Variants in PPP1R13L observed in about 807,000 individuals in gnomAD.
PPP1R13L encodes relA-associated inhibitor.
In PPP1R13L, 50 loss-of-function variants were observed where a neutral mutation model predicts 80.9. The observed-to-expected ratio is 0.62, with a 90% CI of 0.49 to 0.78. The LOEUF is 0.78. PPP1R13L is among the 30% of genes least tolerant of loss of function. The pLI is 0.00. For missense variants in PPP1R13L, 1,200 were observed against 1,205.9 expected (o/e 1.00, Z 0.07); for synonymous variants, 602 against 534.3 (o/e 1.13, Z -1.75).
At chr19:45,397,932 CT>C (rs1599776566) in intron 3 of PPP1R13L, 72 bp downstream of exon 3, 1 of 1,521,762 alleles carries the variant, frequency 6.6e-7, no homozygotes, top group East Asian at 2.3e-5. Flanking sequence ...GCAATTTTGC[CT>C]GAAATCCAGG....
At chr19:45,393,040 G>T (rs1973010789) in intron 7 of PPP1R13L, 2 of 141,654 alleles carry the variant, frequency 1.4e-5, no homozygotes, top group Non-Finnish European at 3.0e-5. Flanking sequence ...AAAAAAATTA[G>T]CTGGGCGTGG....
upstream of PPP1R13L, chr19:45,406,169 G>GGATT (rs1973355376): frequency 2.1e-6 from 1 of 485,446 alleles, no homozygotes; most frequent in African/African-American, 2.1e-5. The surrounding 1 kb of genome is among the most constrained non-coding windows in gnomAD (Gnocchi z 4.2). Flanking sequence ...CCCTCCGGAC[G>GGATT]GATTGCCCCT....
chr19:45,396,176 T>C lies in PPP1R13L; in HGVS notation c.895A>G (p.Thr299Ala), dbSNP rs1203506651. The change falls in exon 6 of 13, where the codon ACC becomes GCC. Residue 299 changes from threonine to alanine, a missense_variant. This residue lies in a region of PPP1R13L where 764 missense variants were observed against 714.5 expected (regional missense o/e 1.07). Transcript: ENST00000360957. This position sits in a 1 kb window ranked among gnomAD's most constrained non-coding sequence, Gnocchi z 5.3. Reference protein sequence around the residue: ...RESSLDGLGGTGKDNLTSATL... With the variant: ...RESSLDGLGGAGKDNLTSATL... Reference sequence around the variant, plus strand: ...AGGCGTCGCCTCCTCACCTTGCCGGTGCCCCCCAGTCCATCCAGGCTGCTC... The same window carrying C: ...AGGCGTCGCCTCCTCACCTTGCCGGCGCCCCCCAGTCCATCCAGGCTGCTC... 3 of 1,607,920 alleles carry C rather than the reference T, an allele frequency of 1.9e-6. No homozygotes were observed. In the East Asian group the frequency reaches 6.7e-5, roughly 36 times the overall value.
rs547448313 is a variant in PPP1R13L at position 45,395,618 on chromosome 19, A to C, written c.1172T>G (p.Met391Arg). Residue 391 changes from methionine to arginine, a missense_variant, in exon 7 of 13, where the codon ATG becomes AGG. Met to Arg is a moderately conservative substitution (Grantham distance 91, BLOSUM62 -1). This residue lies in a region of PPP1R13L where 764 missense variants were observed against 714.5 expected (regional missense o/e 1.07). Transcript: ENST00000360957. ...GGTGAAGAGGGGGGACCCAGGGAGCATGGCGCGGCTGGCCCCGTGCTCCCA... is the reference window on the plus strand; with the variant it reads ...GGTGAAGAGGGGGGACCCAGGGAGCCTGGCGCGGCTGGCCCCGTGCTCCCA... ...AFWEHGASRAMLPGSPLFTRA... is the reference protein window; with the variant it reads ...AFWEHGASRARLPGSPLFTRA... The C allele has an allele frequency of 1.4e-6, 2 of 1,471,256 alleles. No homozygotes were observed. Among genetic ancestry groups the C allele is most frequent in the South Asian group, 2.8e-5 (2 of 72,210 alleles). The allele number at this position is 1,471,256 out of a possible 1,614,324, so 91.1% of individuals were successfully genotyped here.
chr19:45,384,532 AAAAAATAAATAAAT>A (rs1972829971), intron 11 of PPP1R13L, among the ~76,000 whole-genome samples: 1 of 151,470 alleles, frequency 6.6e-6, no homozygotes, highest in African/African-American at 2.4e-5. Flanking sequence ...ACTCTGTCTC[AAAAAATAAATAAAT>A]AAAAATAAAT....
At chr19:45,388,920 C>A (rs968770299) in intron 8 of PPP1R13L, among the ~76,000 whole-genome samples, 6 of 151,626 alleles carry the variant, frequency 4.0e-5, no homozygotes, top group African/African-American at 1.5e-4. Context: ...GTATTTTTAG[C>A]AGAGACGGGG....
chr19:45,401,287 G>A (rs1384889695), intron 1 of PPP1R13L, among the ~76,000 whole-genome samples: 3 of 150,928 alleles, frequency 2.0e-5, no homozygotes, highest in East Asian at 2.0e-4. Flanking sequence ...CCAGGGAGGC[G>A]GAGCTTTCAG....
At position 45,392,141 on chromosome 19, in the gene PPP1R13L, G is replaced by GCCCCTCCTCCA; in HGVS notation, c.1553_1554insTGGAGGAGGGG (p.Arg519GlyfsTer122). The GCCCCTCCTCCA allele has an allele frequency of 6.3e-7, 1 of 1,579,678 alleles. No individual in the cohort carries two copies. The highest frequency in any genetic ancestry group is 2.2e-5 in the East Asian group (1 of 44,522). ...TGGAGCCCCTGCGTTTGAGGGGCCG[G>GCCCCTCCTCCA]GGAATTTCCGCCAACACCCGTGCCA... is the stretch of plus-strand genomic sequence containing the variant. On this transcript the variant is annotated frameshift_variant, in exon 8 of 13. Coordinates refer to ENST00000360957, the MANE Select transcript of PPP1R13L (RefSeq NM_006663.4). LOFTEE classifies it high-confidence loss of function.
chr19:45,395,983 C>T, intron 6 of PPP1R13L, 97 bp from the exon 7 acceptor site: 2 of 1,296,258 alleles, frequency 1.5e-6, no homozygotes, highest in Middle Eastern at 2.1e-4. Context: ...GTGAGGGAAG[C>T]CCTGGGAGTG....
At chr19:45,398,399 G>T (rs1973160208) in intron 1 of PPP1R13L, 60 bp from the exon 2 acceptor site, 2 of 1,535,010 alleles carry the variant, frequency 1.3e-6, no homozygotes, top group African/African-American at 1.4e-5. Flanking sequence ...CCCGCCCTCA[G>T]GGAGTCAGAC....
Position 45,396,782 on chromosome 19 carries a change from G to T in PPP1R13L, c.475C>A (p.Pro159Thr). Residue 159 changes from proline to threonine, a missense_variant, in exon 4 of 13, where the codon CCG (proline) becomes ACG (threonine). Around this residue, in one of 5 missense-constraint regions of PPP1R13L, gnomAD observed 764 missense variants for 714.5 expected, o/e 1.07. Coordinates refer to ENST00000360957, the MANE Select transcript of PPP1R13L (RefSeq NM_006663.4). The surrounding 1 kb of genome is among the most constrained non-coding windows in gnomAD (Gnocchi z 5.3). Reference protein sequence around the residue: ...AGSSLGRAPSPRPGPGPLRQQ... With the variant: ...AGSSLGRAPSTRPGPGPLRQQ... ...CGGAGCGGGCCTGGCCCGGGCCGCGGGGAGGGCGCACGGCCGAGGGAGCTG... is the reference window on the plus strand; with the variant it reads ...CGGAGCGGGCCTGGCCCGGGCCGCGTGGAGGGCGCACGGCCGAGGGAGCTG... 1 of 1,358,558 alleles carries T rather than the reference G, an allele frequency of 7.4e-7. No homozygotes were observed. The highest frequency in any genetic ancestry group is 9.4e-7 in the Non-Finnish European group (1 of 1,065,804). 84.2% of individuals were successfully genotyped at this position (1,358,558 alleles called of 1,614,324 possible).
chr19:45,398,943 C>T (rs149218578), intron 1 of PPP1R13L, among the ~76,000 whole-genome samples: 4 of 151,126 alleles, frequency 2.6e-5, no homozygotes, highest in African/African-American at 9.7e-5. Flanking sequence ...TGTGCTAGAT[C>T]CTGTTTTTGT....
intron 8 of PPP1R13L, among the ~76,000 whole-genome samples, chr19:45,391,587 G>A (rs532001003): frequency 3.0e-4 from 45 of 152,276 alleles, no homozygotes; most frequent in African/African-American, 9.4e-4. Context: ...AACAGGAAAG[G>A]GCACTTTCTC....
intron 8 of PPP1R13L, among the ~76,000 whole-genome samples, chr19:45,389,805 AT>A (rs921468963): frequency 6.6e-6 from 1 of 151,336 alleles, no homozygotes; most frequent in Non-Finnish European, 1.5e-5. Context: ...TTTTATTTTT[AT>A]TTTTTTTGAG....
intron 1 of PPP1R13L, among the ~76,000 whole-genome samples, chr19:45,398,590 T>C (rs902009281): frequency 2.5e-4 from 38 of 149,848 alleles, no homozygotes; most frequent in Non-Finnish European, 3.7e-4. Context: ...CTTTTCTTTT[T>C]TTTTTTTTTT....
chr19:45,401,354 CAAAAAAAAA>C (rs34884152), intron 1 of PPP1R13L, among the ~76,000 whole-genome samples: 2 of 116,410 alleles, frequency 1.7e-5, no homozygotes, highest in South Asian at 5.3e-4. Flanking sequence ...GACTCCGTCC[CAAAAAAAAA>C]AAAAAAAAAA....
At chr19:45,397,472 C>CTCTCTCTTTCTT (rs1272655512) in intron 3 of PPP1R13L, among the ~76,000 whole-genome samples, 17 of 83,404 alleles carry the variant, frequency 2.0e-4, no homozygotes, top group South Asian at 1.1e-3. Context: ...TTCTCTCTCT[C>CTCTCTCTTTCTT]TCTTTCTTTC....
chr19:45,396,206 TC>T lies in PPP1R13L; in HGVS notation c.864del (p.Trp288Ter). 1 of 1,611,422 alleles carries T rather than the reference TC, an allele frequency of 6.2e-7. No individual in the cohort carries two copies. The highest frequency in any genetic ancestry group is 8.5e-7 in the Non-Finnish European group (1 of 1,179,526). ...PASPSLQLLPWRESSLDGLGG... is the reference protein window; with the variant it reads ...PASPSLQLLPXRESSLDGLGG... ...CCCAGTCCATCCAGGCTGCTCTCCC[TC>T]CAAGGCAACAGCTGCAGGCTCGGCG... On this transcript the variant is annotated frameshift_variant, in exon 6 of 13. Coordinates refer to ENST00000360957, the MANE Select transcript of PPP1R13L (RefSeq NM_006663.4). LOFTEE classifies it high-confidence loss of function. This position sits in a 1 kb window ranked among gnomAD's most constrained non-coding sequence, Gnocchi z 5.3.
rs376309412 is a variant in PPP1R13L at position 45,398,094 on chromosome 19, C to T, written c.109G>A (p.Ala37Thr). 6.2e-7 allele frequency: 1 copy of T among 1,614,092 alleles called. No homozygotes were observed. Among genetic ancestry groups the T allele is most frequent in the Non-Finnish European group, 8.5e-7 (1 of 1,180,048 alleles). The change falls in exon 3 of 13, where the codon GCC becomes ACC. Residue 37 changes from alanine to threonine, a missense_variant. This residue lies in a region of PPP1R13L where 764 missense variants were observed against 714.5 expected (regional missense o/e 1.07). Transcript: ENST00000360957. The part of the protein sequence containing the change: ...LKQMELDTAA[A>T]KVDELTKQLE... Reference sequence around the variant, plus strand: ...TGCTTGGTCAGTTCATCCACCTTGGCCGCCGCCGTGTCCAGCTCCATCTGC... The same window carrying T: ...TGCTTGGTCAGTTCATCCACCTTGGTCGCCGCCGTGTCCAGCTCCATCTGC...
Sources: gnomAD v4.1 joint callset for allele counts (sites outside exome capture counted in the v4.1 genomes callset) on GRCh38, gnomAD v4.1.1 for gene constraint, gnomAD v4.1.1 regional missense constraint, Gnocchi (gnomAD v3.1) non-coding constraint, MANE v1.5 for transcripts, NCBI Gene and HGNC (gene_info 2026-07-23, HGNC 2026-07-21) for gene names.